The following CDH12 variants were observed in gnomAD, a reference collection of about 807,000 sequenced individuals.
CDH12 encodes the protein cadherin-12.
A neutral mutation model predicts 74.1 loss-of-function variants in CDH12; 41 were observed. That is an observed-to-expected ratio of 0.55 (90% CI 0.43 to 0.72). The LOEUF is 0.72. CDH12 is among the 30% of genes least tolerant of loss of function. The pLI, the probability that CDH12 is intolerant of heterozygous loss-of-function variation, is 0.00. For missense variants in CDH12, 945 were observed against 977.2 expected, an observed-to-expected ratio of 0.97 and a Z score of 0.44; for synonymous variants, 399 against 355.0, an observed-to-expected ratio of 1.12 and a Z score of -1.39.
chr5:21,934,229 T>C (rs1433889220), intron 6 of CDH12, among the ~76,000 whole-genome samples: 1 of 152,192 alleles, frequency 6.6e-6, no homozygotes, highest in Non-Finnish European at 1.5e-5. Context: ...TGGTGAGACG[T>C]GATTGGATCA....
intron 5 of CDH12, among the ~76,000 whole-genome samples, chr5:21,995,655 T>A (rs974267245): frequency 1.3e-5 from 2 of 151,746 alleles, no homozygotes; most frequent in African/African-American, 4.8e-5. Context: ...ATACAGGAAG[T>A]ATCACCGTAA....
intron 1 of CDH12, among the ~76,000 whole-genome samples, chr5:22,720,599 A>G (rs1743831297): frequency 6.6e-6 from 1 of 152,082 alleles, no homozygotes. Flanking sequence ...GGCTCAGAAA[A>G]AGACAGAAAG....
intron 1 of CDH12, among the ~76,000 whole-genome samples, chr5:22,745,198 A>G (rs550535827): frequency 6.6e-6 from 1 of 152,220 alleles, no homozygotes; most frequent in Admixed American, 6.5e-5. Flanking sequence ...TCTTCTATAG[A>G]TTAAAATTAG....
At chr5:22,768,012 T>C (rs954097278) in intron 1 of CDH12, among the ~76,000 whole-genome samples, 3 of 152,124 alleles carry the variant, frequency 2.0e-5, no homozygotes, top group Middle Eastern at 3.4e-3. Flanking sequence ...TCTACAGTTA[T>C]AAATTCAGTG....
chr5:22,715,601 G>T (rs926400367), intron 1 of CDH12, among the ~76,000 whole-genome samples: 1 of 151,656 alleles, frequency 6.6e-6, no homozygotes, highest in African/African-American at 2.4e-5. Flanking sequence ...TCAGGAGTTC[G>T]AGACCAGCCT....
rs191542394 is a variant in CDH12, at chr5:22,165,736, C to A, written c.-187+46762G>T. Among the ~76,000 whole-genome samples, 272 of 152,260 alleles carry A rather than the reference C, an allele frequency of 1.8e-3. 3 individuals carry two copies. The highest frequency in any genetic ancestry group is 6.4e-3 in the African/African-American group (264 of 41,542). ...CAGCACAAGATACAGGTCATAAAGACCTTGCTGATAAAACAGACTGCAGTA... is the reference window on the plus strand; with the variant it reads ...CAGCACAAGATACAGGTCATAAAGAACTTGCTGATAAAACAGACTGCAGTA... On this transcript the variant is annotated intron_variant, in intron 4 of 14. Coordinates refer to ENST00000382254, the MANE Select transcript of CDH12 (RefSeq NM_004061.5).
At chr5:22,801,789 T>C (rs1198868713) in intron 1 of CDH12, among the ~76,000 whole-genome samples, 1 of 151,092 alleles carries the variant, frequency 6.6e-6, no homozygotes. Flanking sequence ...CTGTCCTGTA[T>C]TTATTTTTCT....
At chr5:22,695,307 G>A (rs967384479) in intron 1 of CDH12, among the ~76,000 whole-genome samples, 12 of 152,108 alleles carry the variant, frequency 7.9e-5, no homozygotes, top group South Asian at 2.1e-4. Flanking sequence ...ATAAACATAC[G>A]TTTGTATGTG....
chr5:22,355,578 G>A (rs1033008307), intron 3 of CDH12, among the ~76,000 whole-genome samples: 9 of 150,296 alleles, frequency 6.0e-5, no homozygotes, highest in African/African-American at 2.2e-4. Context: ...TGAAAACATA[G>A]CAATATCTTT....
chr5:21,999,396 T>C (rs1405124164), intron 5 of CDH12, among the ~76,000 whole-genome samples: 1 of 152,156 alleles, frequency 6.6e-6, no homozygotes, highest in East Asian at 1.9e-4. Flanking sequence ...AAATTGACTT[T>C]CTTTTCCAAC....
intron 2 of CDH12, among the ~76,000 whole-genome samples, chr5:22,492,027 T>C (rs1746892572): frequency 1.3e-5 from 2 of 152,094 alleles, no homozygotes; most frequent in Non-Finnish European, 2.9e-5. Flanking sequence ...TTATTTCCAG[T>C]GACATTCTGA....
At chr5:22,075,271 G>T (rs373817146) in intron 5 of CDH12, among the ~76,000 whole-genome samples, 1 of 142,200 alleles carries the variant, frequency 7.0e-6, no homozygotes, top group African/African-American at 2.6e-5. Flanking sequence ...GAGAACACTC[G>T]GACACTTGAA....
At chr5:22,814,519 C>T (rs1177901422) in intron 1 of CDH12, among the ~76,000 whole-genome samples, 3 of 151,978 alleles carry the variant, frequency 2.0e-5, no homozygotes, top group Non-Finnish European at 4.4e-5. Flanking sequence ...CGCACATGTC[C>T]TAATTCATTG....
chr5:22,428,832 C>T (rs1744050556), intron 2 of CDH12, among the ~76,000 whole-genome samples: 1 of 152,134 alleles, frequency 6.6e-6, no homozygotes, highest in African/African-American at 2.4e-5. Context: ...TAAAAATCCT[C>T]TATGAAACTG....
intron 3 of CDH12, among the ~76,000 whole-genome samples, chr5:22,401,638 T>C (rs1742733257): frequency 1.3e-5 from 2 of 152,174 alleles, no homozygotes; most frequent in Non-Finnish European, 2.9e-5. Context: ...AAGTAGTTCA[T>C]AATAATGTAT....
chr5:22,329,617 A>G (rs1487498991), intron 3 of CDH12, among the ~76,000 whole-genome samples: 1 of 152,230 alleles, frequency 6.6e-6, no homozygotes, highest in Non-Finnish European at 1.5e-5. Flanking sequence ...CATTGAAAAG[A>G]GTAAGACAGA....
chr5:22,688,827 T>C (rs929669488), intron 1 of CDH12, among the ~76,000 whole-genome samples: 1 of 152,176 alleles, frequency 6.6e-6, no homozygotes, highest in African/African-American at 2.4e-5. Context: ...TATTTGAGGC[T>C]TTTGACATAG....
rs140504957 is a variant in CDH12 at position 22,578,428 on chromosome 5, C to T, written c.-522-73064G>A. On this transcript the variant is annotated intron_variant, in intron 1 of 14. Transcript: ENST00000382254. Reference sequence around the variant, plus strand: ...TAGCATATTAGGACAAGTTAGTAATCGAGCAAGTATTCTGCTTTTATGTTA... The same window carrying T: ...TAGCATATTAGGACAAGTTAGTAATTGAGCAAGTATTCTGCTTTTATGTTA... Among the ~76,000 whole-genome samples the T allele has an allele frequency of 3.3e-4, 50 of 151,710 alleles. 1 individual carries two copies. The highest frequency in any genetic ancestry group is 1.2e-3 in the African/African-American group (49 of 41,368).
At chr5:22,115,892 A>T (rs374486454) in intron 4 of CDH12, among the ~76,000 whole-genome samples, 1 of 151,856 alleles carries the variant, frequency 6.6e-6, no homozygotes, top group East Asian at 2.0e-4. Context: ...GGGTTTCACC[A>T]TGTTGGCCAG....
Sources: gnomAD v4.1 joint callset for allele counts (sites outside exome capture counted in the v4.1 genomes callset) on GRCh38, gnomAD v4.1.1 for gene constraint, MANE v1.5 for transcripts, NCBI Gene and HGNC (gene_info 2026-07-23, HGNC 2026-07-21) for gene names.